The following SLAMF6 variants were observed in gnomAD, a reference collection of about 807,000 sequenced individuals.
SLAMF6 encodes SLAM family member 6.
In SLAMF6, 21 loss-of-function variants were observed where a neutral mutation model predicts 38.3. The ratio of observed to expected loss-of-function variants is 0.55; its 90% CI spans 0.39 to 0.79. The LOEUF (loss-of-function observed/expected upper bound fraction) is 0.79, where lower values mean the gene tolerates loss of function less well. Among genes scored for constraint, SLAMF6 ranks in the 30% least tolerant of loss-of-function variants. The pLI is 0.00. For synonymous variants in SLAMF6, 152 were observed against 146.3 expected (o/e 1.04, Z -0.28); for missense variants, 341 against 385.3 (o/e 0.89, Z 0.96).
intron 1 of SLAMF6, 106 bp downstream of exon 1, chr1:160,523,038 C>T (rs772110514): frequency 4.2e-5 from 52 of 1,228,774 alleles, no homozygotes; most frequent in Non-Finnish European, 5.9e-5. Context: ...CCGCCCCAAT[C>T]CCTTGGCAGA....
At chr1:160,508,105 T>C (rs1034552941) in intron 1 of SLAMF6, among the ~76,000 whole-genome samples, 16 of 152,144 alleles carry the variant, frequency 1.1e-4, no homozygotes, top group African/African-American at 3.9e-4. Context: ...GTAGATTCAA[T>C]GCCATCCCCA....
intron 1 of SLAMF6, among the ~76,000 whole-genome samples, chr1:160,516,006 C>A (rs1432572911): frequency 6.6e-6 from 1 of 152,110 alleles, no homozygotes; most frequent in African/African-American, 2.4e-5. Flanking sequence ...CTGACCAGGG[C>A]AATCAGGCAA....
At chr1:160,487,931 A>G (rs749373658) in intron 6 of SLAMF6, among the ~76,000 whole-genome samples, 4 of 152,092 alleles carry the variant, frequency 2.6e-5, no homozygotes, top group Non-Finnish European at 4.4e-5. Context: ...CTCTACAAAA[A>G]GTAGAAAAAT....
rs140530109 is a variant in SLAMF6, at chr1:160,523,176, T to A, written c.17A>T (p.Gln6Leu). 6.2e-7 allele frequency: 1 copy of A among 1,613,900 alleles called. No individual in the cohort carries two copies. The change falls in exon 1 of 8, where the codon CAA becomes CTA. Residue 6 changes from glutamine (Q) to leucine (L), a missense_variant. By Grantham distance (113) the Gln-to-Leu change is moderately radical (BLOSUM62 -2). Coordinates refer to ENST00000368057, the MANE Select transcript of SLAMF6 (RefSeq NM_001184714.2). Reference protein sequence around the residue: MLWLFQSLLFVFCFGP... With the variant: MLWLFLSLLFVFCFGP... ...AAAGCAGAAGACAAACAGGAGCGAT[T>A]GGAACAGCCACAACATGCTTTCCGC... is the stretch of plus-strand genomic sequence containing the variant.
intron 1 of SLAMF6, among the ~76,000 whole-genome samples, chr1:160,508,350 C>T (rs1654297700): frequency 6.6e-6 from 1 of 152,042 alleles, no homozygotes; most frequent in Non-Finnish European, 1.5e-5. Flanking sequence ...TCAGAAATAG[C>T]ACCACACATC....
intron 1 of SLAMF6, among the ~76,000 whole-genome samples, chr1:160,507,152 T>C (rs1413945358): frequency 6.6e-6 from 1 of 152,136 alleles, no homozygotes; most frequent in Non-Finnish European, 1.5e-5. Flanking sequence ...AGAGATTCAC[T>C]TTAGATTCAA....
chr1:160,506,654 A>G (rs1487011223), intron 1 of SLAMF6, among the ~76,000 whole-genome samples: 1 of 152,170 alleles, frequency 6.6e-6, no homozygotes, highest in Non-Finnish European at 1.5e-5. Context: ...TTGCTTTGCA[A>G]CTTCTCCTTT....
At chr1:160,486,846 G>C (rs1571276230) in intron 7 of SLAMF6, 92 bp from the exon 8 acceptor site, 2 of 1,423,700 alleles carry the variant, frequency 1.4e-6, no homozygotes, top group Non-Finnish European at 9.9e-7. Context: ...GGAGACTACA[G>C]AGAGGCAGAT....
At position 160,491,121 on chromosome 1, in the gene SLAMF6, T is replaced by C. The variant is rs971385422; in HGVS notation, c.646+4A>G. The C allele has an allele frequency of 1.2e-6, 2 of 1,613,264 alleles. No individual in the cohort carries two copies. The highest frequency in any genetic ancestry group is 1.7e-6 in the Non-Finnish European group (2 of 1,179,854). On this transcript the variant is annotated splice_donor_region_variant and intron_variant, in intron 3 of 7. Transcript: ENST00000368057. ...AGGCTCTCAGACCTGAGGCAGGCTG[T>C]TACCTTCGCAAAGCTTCTGGGCAGA...
intron 5 of SLAMF6, 21 bp from the exon 6 acceptor site, chr1:160,489,191 A>T: frequency 1.9e-6 from 3 of 1,613,530 alleles, no homozygotes; most frequent in Non-Finnish European, 2.5e-6. Flanking sequence ...AGGAAGGCAC[A>T]GTCAATGGCA....
chr1:160,510,194 C>T (rs906478362), intron 1 of SLAMF6, among the ~76,000 whole-genome samples: 2 of 152,044 alleles, frequency 1.3e-5, no homozygotes, highest in African/African-American at 4.8e-5. Context: ...CAATTATTCT[C>T]AAGCTCTTCC....
At chr1:160,506,262 G>A (rs1388606403) in intron 1 of SLAMF6, among the ~76,000 whole-genome samples, 4 of 151,974 alleles carry the variant, frequency 2.6e-5, no homozygotes, top group African/African-American at 7.2e-5. Flanking sequence ...AGTCTCAAAT[G>A]CAACAAGAGA....
intron 1 of SLAMF6, among the ~76,000 whole-genome samples, chr1:160,521,021 A>C (rs1178082897): frequency 6.6e-6 from 1 of 152,118 alleles, no homozygotes; most frequent in African/African-American, 2.4e-5. Flanking sequence ...ACTCCGTCCA[A>C]AGCAGGTCCC....
At chr1:160,514,000 C>A (rs1654622085) in intron 1 of SLAMF6, among the ~76,000 whole-genome samples, 1 of 152,190 alleles carries the variant, frequency 6.6e-6, no homozygotes, top group Admixed American at 6.5e-5. Context: ...ATGACAGGAT[C>A]AAATTCACAC....
At position 160,494,295 on chromosome 1, in the gene SLAMF6, C is replaced by T. The variant is rs74772471; in HGVS notation, c.382+1766G>A. Among the ~76,000 whole-genome samples, 22 of 152,260 alleles carry T rather than the reference C, an allele frequency of 1.4e-4. 1 individual carries two copies. The East Asian group carries it at 4.0e-3, about 28-fold the overall frequency. ...CATTGAGCCTCAAGAGGGTGGCTGT[C>T]ACAAGATAAGTCATACCTGGTCTTC... On this transcript the variant is annotated intron_variant, in intron 2 of 7. Transcript: ENST00000368057.
chr1:160,497,213 T>G (rs1653634301), intron 1 of SLAMF6, among the ~76,000 whole-genome samples: 1 of 152,198 alleles, frequency 6.6e-6, no homozygotes, highest in African/African-American at 2.4e-5. Context: ...ATGGCCACAT[T>G]CTTGTGAACT....
At position 160,490,617 on chromosome 1, in the gene SLAMF6, C is replaced by T. The variant is rs753674064; in HGVS notation, c.715G>A (p.Gly239Ser). 2.5e-5 allele frequency: 40 copies of T among 1,613,734 alleles called. No homozygotes were observed. The highest frequency in any genetic ancestry group is 4.0e-5 in the African/African-American group (3 of 74,866). Residue 239 changes from glycine (G) to serine (S), a missense_variant, in exon 4 of 8, where the codon GGT becomes AGT. By Grantham distance (56) the Gly-to-Ser change is moderately conservative. Coordinates refer to ENST00000368057, the MANE Select transcript of SLAMF6 (RefSeq NM_001184714.2). The stretch of plus-strand genomic sequence containing the variant: ...ACAAGTAACAGCAGTATGATGAAAC[C>T]GAAGACTATGCATATCCCAGAAACC... ...FMVSGICIVF[G>S]FIILLLLVLR... is the part of the protein sequence containing the mutation.
In SLAMF6 at chr1:160,495,974, C is replaced by T. The variant is rs556026575; in HGVS notation, c.382+87G>A. On this transcript the variant is annotated intron_variant, in intron 2 of 7. Transcript: ENST00000368057. ...AAATGCCATATTCTTTACCACTAGGCGACAGTGCACATTTGAAGTCACATA... is the reference window on the plus strand; with the variant it reads ...AAATGCCATATTCTTTACCACTAGGTGACAGTGCACATTTGAAGTCACATA... 93 of 1,221,820 alleles carry T rather than the reference C, an allele frequency of 7.6e-5. 1 individual carries two copies. The highest frequency in any genetic ancestry group is 1.7e-4 in the Admixed American group (8 of 47,210). 75.7% of individuals were successfully genotyped at this position (1,221,820 alleles called of 1,614,324 possible). A position where few individuals can be genotyped will look rare whatever the true frequency, so the allele number is the denominator to read the frequency against.
At chr1:160,513,920 A>G (rs1438238013) in intron 1 of SLAMF6, among the ~76,000 whole-genome samples, 1 of 152,206 alleles carries the variant, frequency 6.6e-6, no homozygotes, top group Non-Finnish European at 1.5e-5. Context: ...ACTGAAGTAC[A>G]CAATGAAGAC....
Sources: allele counts gnomAD v4.1 joint callset (sites outside exome capture counted in the v4.1 genomes callset), GRCh38; gene constraint gnomAD v4.1.1; transcripts MANE v1.5; gene names NCBI Gene and HGNC (gene_info 2026-07-23, HGNC 2026-07-21).